The following PTPRE variants were observed in gnomAD, a reference collection of about 807,000 sequenced individuals.
PTPRE encodes receptor-type tyrosine-protein phosphatase epsilon.
PTPRE carries 51 observed loss-of-function variants against 102.0 expected under a neutral mutation model. That is an observed-to-expected ratio of 0.50 (90% confidence interval 0.40 to 0.63). PTPRE has a LOEUF of 0.63. PTPRE is among the 30% of genes least tolerant of loss of function. The probability of loss-of-function intolerance (pLI) is 0.00; values close to 1 mark genes in which losing one functional copy is unlikely to be tolerated. For synonymous variants in PTPRE, 345 were observed against 348.2 expected, an observed-to-expected ratio of 0.99 and a Z score of 0.10; for missense variants, 752 against 915.1, an observed-to-expected ratio of 0.82 and a Z score of 2.30.
intron 1 of PTPRE, among the ~76,000 whole-genome samples, chr10:127,916,964 C>T (rs997967977): frequency 6.6e-6 from 1 of 152,034 alleles, no homozygotes; most frequent in African/African-American, 2.4e-5. Context: ...CTTTGTGCGG[C>T]CTGGCCAGCC....
chr10:128,043,587 G>A (rs1159995750), intron 3 of PTPRE, among the ~76,000 whole-genome samples: 1 of 152,214 alleles, frequency 6.6e-6, no homozygotes, highest in African/African-American at 2.4e-5. Flanking sequence ...TGGACACTTG[G>A]GGCTGCCATC....
intron 1 of PTPRE, among the ~76,000 whole-genome samples, chr10:127,981,825 A>G (rs965992793): frequency 6.6e-6 from 1 of 152,142 alleles, no homozygotes; most frequent in African/African-American, 2.4e-5. Flanking sequence ...CGTCTCAAAA[A>G]AAAAAAAAAT....
intron 2 of PTPRE, among the ~76,000 whole-genome samples, chr10:128,016,711 C>G (rs1037457858): frequency 1.4e-4 from 22 of 152,128 alleles, no homozygotes; most frequent in African/African-American, 5.1e-4. Flanking sequence ...CTCATCCCAC[C>G]AAATCACTGC....
At chr10:128,035,021 T>C (rs550302605) in intron 2 of PTPRE, among the ~76,000 whole-genome samples, 1 of 152,298 alleles carries the variant, frequency 6.6e-6, no homozygotes, top group Admixed American at 6.5e-5. Context: ...TCTGGCTCTG[T>C]TGTCCAGGCT....
chr10:128,022,475 G>A (rs1304131984), intron 2 of PTPRE, among the ~76,000 whole-genome samples: 3 of 152,164 alleles, frequency 2.0e-5, no homozygotes, highest in East Asian at 1.9e-4. Context: ...TGGAATCGAC[G>A]GCCCAGGGCC....
intron 1 of PTPRE, among the ~76,000 whole-genome samples, chr10:127,926,533 T>C (rs1564801973): frequency 6.6e-6 from 1 of 152,200 alleles, no homozygotes; most frequent in East Asian, 1.9e-4. Flanking sequence ...CTAGAGTTGC[T>C]TTCACATTTC....
chr10:128,011,311 G>A (rs1270043933), intron 2 of PTPRE, among the ~76,000 whole-genome samples: 2 of 152,242 alleles, frequency 1.3e-5, no homozygotes, highest in African/African-American at 4.8e-5. Flanking sequence ...AACACGGCGA[G>A]TGAATGGAGA....
chr10:128,011,961 A>G (rs1845055533), intron 2 of PTPRE, among the ~76,000 whole-genome samples: 1 of 152,152 alleles, frequency 6.6e-6, no homozygotes, highest in South Asian at 2.1e-4. Flanking sequence ...GAAGGGAAAA[A>G]CCTCTAAGAG....
chr10:128,031,649 G>T (rs1404614169), intron 2 of PTPRE, among the ~76,000 whole-genome samples: 1 of 152,240 alleles, frequency 6.6e-6, no homozygotes, highest in African/African-American at 2.4e-5. Context: ...CTGTGAGTGT[G>T]ACTCTGCCAG....
At chr10:128,018,392 C>T (rs1296922622) in intron 2 of PTPRE, among the ~76,000 whole-genome samples, 1 of 152,258 alleles carries the variant, frequency 6.6e-6, no homozygotes, top group East Asian at 1.9e-4. Context: ...CTGCATCTCA[C>T]ACACGTTACC....
intron 2 of PTPRE, among the ~76,000 whole-genome samples, chr10:128,032,689 A>G (rs1590076155): frequency 1.3e-5 from 2 of 152,182 alleles, no homozygotes; most frequent in African/African-American, 4.8e-5. Context: ...CAGCCAGTTG[A>G]GCTGCGGCCC....
At chr10:128,016,570 G>A (rs763403174) in intron 2 of PTPRE, among the ~76,000 whole-genome samples, 1 of 151,586 alleles carries the variant, frequency 6.6e-6, no homozygotes, top group Admixed American at 6.6e-5. Context: ...AGGGAACAGC[G>A]TGGGCCAGGC....
Position 128,020,998 on chromosome 10 carries a change from C to T in PTPRE, c.-7-19877C>T, listed in dbSNP as rs192387755. ...CTGCAAGCTCCGCCTCCCAGGTTCACGCCATTCTGCCTCAGCCTCCCGAGT... is the reference window on the plus strand; with the variant it reads ...CTGCAAGCTCCGCCTCCCAGGTTCATGCCATTCTGCCTCAGCCTCCCGAGT... On this transcript the variant is annotated intron_variant, in intron 2 of 20. Transcript: ENST00000254667. 3.0e-4 allele frequency among the ~76,000 whole-genome samples: 45 copies of T among 151,954 alleles called. No individual in the cohort carries two copies. In the East Asian group the frequency reaches 8.5e-3, roughly 29 times the overall value.
chr10:128,070,469 C>T lies in PTPRE; in HGVS notation c.1293+19C>T, dbSNP rs1850671275. 1.2e-6 allele frequency: 2 copies of T among 1,608,280 alleles called. No individual in the cohort carries two copies. The highest frequency in any genetic ancestry group is 1.7e-6 in the Non-Finnish European group (2 of 1,177,712). On this transcript the variant is annotated intron_variant, in intron 14 of 20. Transcript: ENST00000254667. The surrounding 1 kb of genome is among the most constrained non-coding windows in gnomAD (Gnocchi z 4.8). ...GTTCAGGGTGAGTACAGCTGACCCT[C>T]CTCTCCATCCTGGTGTAAGCAGCCA...
chr10:128,080,390 G>A (rs1383603883), intron 20 of PTPRE, among the ~76,000 whole-genome samples: 1 of 152,098 alleles, frequency 6.6e-6, no homozygotes, highest in Non-Finnish European at 1.5e-5. Flanking sequence ...CCTGGCTCAC[G>A]CAGCGCCCTG....
At chr10:128,018,972 C>A (rs376419564) in intron 2 of PTPRE, among the ~76,000 whole-genome samples, 1 of 152,230 alleles carries the variant, frequency 6.6e-6, no homozygotes, top group African/African-American at 2.4e-5. Context: ...CACACTGCAC[C>A]AGGGAAACAC....
intron 2 of PTPRE, among the ~76,000 whole-genome samples, chr10:128,011,996 A>G (rs1001593769): frequency 7.2e-5 from 11 of 152,220 alleles, no homozygotes; most frequent in Non-Finnish European, 1.2e-4. Context: ...CAGGGTGACA[A>G]GATAGACAGC....
intron 1 of PTPRE, among the ~76,000 whole-genome samples, chr10:127,936,456 G>T (rs2135267622): frequency 6.6e-6 from 1 of 152,264 alleles, no homozygotes; most frequent in Non-Finnish European, 1.5e-5. Flanking sequence ...TTCTATGTCT[G>T]GGCTTGCCTG....
At chr10:128,067,238 A>T (rs914576373) in intron 11 of PTPRE, among the ~76,000 whole-genome samples, 2 of 110,034 alleles carry the variant, frequency 1.8e-5, no homozygotes, top group African/African-American at 3.5e-5. Context: ...ACATGCACAC[A>T]CGCACACACA....
Sources: gnomAD v4.1 joint callset for allele counts (sites outside exome capture counted in the v4.1 genomes callset) on GRCh38, gnomAD v4.1.1 for gene constraint, Gnocchi (gnomAD v3.1) non-coding constraint, MANE v1.5 for transcripts, NCBI Gene and HGNC (gene_info 2026-07-23, HGNC 2026-07-21) for gene names.